Variants in NBEA observed in about 807,000 individuals in gnomAD.
NBEA encodes lysosomal-trafficking regulator 2.
A neutral mutation model predicts 343.4 loss-of-function variants in NBEA; 44 were observed. The ratio of observed to expected loss-of-function variants is 0.13; its 90% CI spans 0.10 to 0.16. The LOEUF is 0.16. Among genes scored for constraint, NBEA ranks in the 10% least tolerant of loss-of-function variants. The pLI is 1.00. For synonymous variants in NBEA, 1,175 were observed against 1,238.7 expected (o/e 0.95, Z 1.08); for missense variants, 2,555 against 3,631.3 (o/e 0.70, Z 7.62).
intron 1 of NBEA, among the ~76,000 whole-genome samples, chr13:34,946,837 T>C (rs1454032966): frequency 6.6e-6 from 1 of 151,076 alleles, no homozygotes; most frequent in Non-Finnish European, 1.5e-5. Context: ...GTTAAAAGGG[T>C]AACTTTAAGG....
At chr13:34,957,384 C>T (rs1426863127) in intron 1 of NBEA, among the ~76,000 whole-genome samples, 2 of 152,178 alleles carry the variant, frequency 1.3e-5, no homozygotes, top group Non-Finnish European at 2.9e-5. Flanking sequence ...ACCACGAACA[C>T]TCACACATGT....
rs1384918630 is a variant in NBEA, at chr13:35,058,192, AT to A, written c.1093-523del. Reference sequence around the variant, plus strand: ...CTTATTGTTTATTTGATTCTGTGTAATTCCTACTCATATATGAGAAGCGATT... The same window carrying A: ...CTTATTGTTTATTTGATTCTGTGTAATCCTACTCATATATGAGAAGCGATT... On this transcript the variant is annotated intron_variant, in intron 7 of 58. Coordinates refer to ENST00000379939, the MANE Select transcript of NBEA (RefSeq NM_001385012.1). Among the ~76,000 whole-genome samples the A allele has an allele frequency of 2.6e-5, 4 of 152,088 alleles. No homozygotes were observed. In the East Asian group the frequency reaches 7.7e-4, roughly 29 times the overall value.
intron 22 of NBEA, among the ~76,000 whole-genome samples, chr13:35,161,525 G>A (rs2069559004): frequency 6.6e-6 from 1 of 152,032 alleles, no homozygotes; most frequent in African/African-American, 2.4e-5. Context: ...TGATTATCTT[G>A]CCTAGTTTCT....
chr13:35,646,217 T>C, intron 50 of NBEA, 42 bp from the exon 51 acceptor site: 6 of 1,413,858 alleles, frequency 4.2e-6, no homozygotes, highest in Non-Finnish European at 6.0e-6. Flanking sequence ...CCTCTCTCTT[T>C]GATGCATATT....
At chr13:35,604,178 C>T (rs570210741) in intron 47 of NBEA, among the ~76,000 whole-genome samples, 1 of 152,232 alleles carries the variant, frequency 6.6e-6, no homozygotes, top group African/African-American at 2.4e-5. Flanking sequence ...GCCCTTTAGC[C>T]TGTCTTATCC....
intron 49 of NBEA, among the ~76,000 whole-genome samples, chr13:35,633,429 A>G (rs117999887): frequency 0.033 from 5,014 of 150,336 alleles, 130 homozygotes; most frequent in South Asian, 0.08. Context: ...TGGGCGTGAT[A>G]GCTCACGCCT....
At chr13:35,513,006 T>C (rs2077338851) in intron 41 of NBEA, among the ~76,000 whole-genome samples, 1 of 152,194 alleles carries the variant, frequency 6.6e-6, no homozygotes, top group South Asian at 2.1e-4. Context: ...TTATTGATTA[T>C]ACTATACAGG....
chr13:35,111,959 C>T (rs1264866254), intron 13 of NBEA, among the ~76,000 whole-genome samples: 2 of 147,646 alleles, frequency 1.4e-5, no homozygotes, highest in African/African-American at 5.0e-5. Flanking sequence ...CTCTGTCACC[C>T]AGGCTGGAGT....
At chr13:35,628,828 A>C (rs2083336590) in intron 49 of NBEA, among the ~76,000 whole-genome samples, 1 of 152,164 alleles carries the variant, frequency 6.6e-6, no homozygotes, top group South Asian at 2.1e-4. Context: ...TGAGGTGAGA[A>C]GATCACTTGA....
chr13:35,515,041 C>CG (rs1007203980), intron 41 of NBEA, among the ~76,000 whole-genome samples: 1 of 152,114 alleles, frequency 6.6e-6, no homozygotes, highest in Non-Finnish European at 1.5e-5. Flanking sequence ...CTTCAAAGAA[C>CG]GGGCAGTGAA....
At chr13:35,649,046 G>A (rs982334243) in intron 51 of NBEA, among the ~76,000 whole-genome samples, 1 of 151,950 alleles carries the variant, frequency 6.6e-6, no homozygotes, top group South Asian at 2.1e-4. Flanking sequence ...AGAAGAAGAA[G>A]AAAAAGCATT....
intron 2 of NBEA, among the ~76,000 whole-genome samples, chr13:35,043,684 TTAAA>T (rs1316317958): frequency 1.3e-5 from 2 of 151,918 alleles, no homozygotes; most frequent in Non-Finnish European, 2.9e-5. Context: ...TTATTGTGTG[TTAAA>T]TAAAATTATT....
intron 1 of NBEA, among the ~76,000 whole-genome samples, chr13:35,033,290 C>A (rs1192078919): frequency 6.6e-6 from 1 of 151,426 alleles, no homozygotes; most frequent in Non-Finnish European, 1.5e-5. Context: ...GTTCTAGGCA[C>A]CTTTGCGAAA....
At chr13:35,094,636 T>C (rs2065243198) in intron 10 of NBEA, among the ~76,000 whole-genome samples, 1 of 152,062 alleles carries the variant, frequency 6.6e-6, no homozygotes, top group Non-Finnish European at 1.5e-5. Flanking sequence ...GGACTTGAAT[T>C]GATTAACGTA....
intron 25 of NBEA, among the ~76,000 whole-genome samples, chr13:35,170,255 A>ACACCT (rs1472423019): frequency 2.6e-5 from 4 of 151,786 alleles, no homozygotes; most frequent in Non-Finnish European, 5.9e-5. Flanking sequence ...TCAAAATGGA[A>ACACCT]CATTAAATAG....
chr13:35,190,153 T>G (rs2072071200), intron 30 of NBEA, among the ~76,000 whole-genome samples: 1 of 152,178 alleles, frequency 6.6e-6, no homozygotes, highest in Non-Finnish European at 1.5e-5. Context: ...TTATTATTAT[T>G]TGACCTAATC....
intron 38 of NBEA, among the ~76,000 whole-genome samples, chr13:35,360,502 C>T (rs889442908): frequency 2.0e-5 from 3 of 151,934 alleles, no homozygotes; most frequent in Admixed American, 6.6e-5. Flanking sequence ...AAAATCTCAC[C>T]GTTTCTCAAG....
At chr13:34,966,743 GTA>G (rs950724118) in intron 1 of NBEA, among the ~76,000 whole-genome samples, 9 of 150,960 alleles carry the variant, frequency 6.0e-5, no homozygotes, top group African/African-American at 2.2e-4. Context: ...AGTGGAAACT[GTA>G]TATATGAGAG....
intron 8 of NBEA, among the ~76,000 whole-genome samples, chr13:35,061,332 A>G (rs1566226254): frequency 6.6e-6 from 1 of 151,716 alleles, no homozygotes; most frequent in Non-Finnish European, 1.5e-5. Context: ...AGAAATTCAG[A>G]AAATATTTAA....
Sources: gnomAD v4.1 joint callset for allele counts (sites outside exome capture counted in the v4.1 genomes callset) on GRCh38, gnomAD v4.1.1 for gene constraint, MANE v1.5 for transcripts, NCBI Gene and HGNC (gene_info 2026-07-23, HGNC 2026-07-21) for gene names.